The following PTPRJ variants were observed in gnomAD, a reference collection of about 807,000 sequenced individuals.
PTPRJ encodes the protein receptor-type tyrosine-protein phosphatase eta.
Under a neutral mutation model 141.3 loss-of-function variants are expected in PTPRJ, and 129 were observed. The ratio of observed to expected loss-of-function variants is 0.91; its 90% CI spans 0.79 to 1.06. The LOEUF (loss-of-function observed/expected upper bound fraction) is 1.06, where lower values mean the gene tolerates loss of function less well. PTPRJ is among the 50% of genes least tolerant of loss of function. The probability of loss-of-function intolerance (pLI) is 0.00; values close to 1 mark genes in which losing one functional copy is unlikely to be tolerated. For missense variants in PTPRJ, 1,601 were observed against 1,679.7 expected (o/e 0.95, Z 0.82); for synonymous variants, 610 against 640.5 (o/e 0.95, Z 0.72).
At chr11:48,111,325 T>A (rs1856434252) in intron 2 of PTPRJ, among the ~76,000 whole-genome samples, 1 of 123,422 alleles carries the variant, frequency 8.1e-6, no homozygotes, top group Non-Finnish European at 1.6e-5. Context: ...TAGTAGTTGG[T>A]AGTTTTTTAA....
At chr11:48,104,077 G>T (rs946006639) in intron 1 of PTPRJ, among the ~76,000 whole-genome samples, 3 of 152,224 alleles carry the variant, frequency 2.0e-5, no homozygotes, top group African/African-American at 7.2e-5. Context: ...TGCAGATGAG[G>T]CAGGGAAGCC....
Position 48,053,341 on chromosome 11 carries a change from A to AT in PTPRJ, c.97-56716dup, listed in dbSNP as rs1470524581. Among the ~76,000 whole-genome samples, 242 of 95,214 alleles carry AT rather than the reference A, an allele frequency of 2.5e-3. 1 individual carries two copies. The highest frequency in any genetic ancestry group is 0.01 in the African/African-American group (229 of 22,410). 62.5% of individuals were successfully genotyped at this position (95,214 alleles called of 152,430 possible). Reference sequence around the variant, plus strand: ...TATATATTATATATTAATATATTATATATTATATATAAATATATAAAAATA... The same window carrying AT: ...TATATATTATATATTAATATATTATATTATTATATATAAATATATAAAAATA... On this transcript the variant is annotated intron_variant, in intron 1 of 24. Coordinates refer to ENST00000418331, the MANE Select transcript of PTPRJ (RefSeq NM_002843.4).
At chr11:48,156,998 T>A (rs1005885031) in intron 21 of PTPRJ, among the ~76,000 whole-genome samples, 1 of 140,216 alleles carries the variant, frequency 7.1e-6, no homozygotes, top group African/African-American at 2.9e-5. Flanking sequence ...AAAGATAAGA[T>A]TTTTTTTTTT....
intron 4 of PTPRJ, among the ~76,000 whole-genome samples, chr11:48,122,587 A>C (rs1050423872): frequency 2.0e-5 from 3 of 152,192 alleles, no homozygotes; most frequent in African/African-American, 7.2e-5. Context: ...ACTGAGTATC[A>C]AGTGGTGGGG....
At chr11:48,080,431 CAA>C (rs565105162) in intron 1 of PTPRJ, among the ~76,000 whole-genome samples, 135 of 152,248 alleles carry the variant, frequency 8.9e-4, no homozygotes, top group Non-Finnish European at 1.8e-3. Context: ...TCGGGTAACT[CAA>C]GAGGGAAATT....
At chr11:48,022,195 G>A (rs1222853912) in intron 1 of PTPRJ, among the ~76,000 whole-genome samples, 1 of 121,528 alleles carries the variant, frequency 8.2e-6, no homozygotes, top group African/African-American at 5.9e-5. Flanking sequence ...CGGGCGCGGT[G>A]GCTCATGCCT....
At chr11:48,006,974 G>A (rs1463162378) in intron 1 of PTPRJ, among the ~76,000 whole-genome samples, 1 of 152,126 alleles carries the variant, frequency 6.6e-6, no homozygotes, top group African/African-American at 2.4e-5. Context: ...ATAAAGGTTA[G>A]ATGATTTTTC....
intron 4 of PTPRJ, among the ~76,000 whole-genome samples, chr11:48,122,713 C>T (rs759702074): frequency 3.3e-5 from 5 of 152,178 alleles, no homozygotes; most frequent in East Asian, 1.9e-4. Flanking sequence ...AACAAAAAGA[C>T]GCATGACTGA....
At chr11:47,982,531 A>G (rs1221936959) in intron 1 of PTPRJ, among the ~76,000 whole-genome samples, 1 of 152,198 alleles carries the variant, frequency 6.6e-6, no homozygotes, top group African/African-American at 2.4e-5. Flanking sequence ...GTCTGAAGTT[A>G]AAAAAGCCTT....
intron 3 of PTPRJ, among the ~76,000 whole-genome samples, chr11:48,114,454 AAAAAG>A (rs1856515436): frequency 6.6e-6 from 1 of 150,758 alleles, no homozygotes. Flanking sequence ...AAAAAAAAAA[AAAAAG>A]AAAAATTCCT....
At chr11:47,996,937 C>G (rs60637944) in intron 1 of PTPRJ, among the ~76,000 whole-genome samples, 1 of 152,192 alleles carries the variant, frequency 6.6e-6, no homozygotes, top group Admixed American at 6.5e-5. Flanking sequence ...ACCAGCCTTT[C>G]GATGTCTTTT....
intron 1 of PTPRJ, among the ~76,000 whole-genome samples, chr11:48,035,538 C>CTTTTTTTTTTTTTTTTT (rs66504227): frequency 1.2e-3 from 72 of 61,750 alleles, no homozygotes; most frequent in South Asian, 1.7e-3. Context: ...CTTTCTTCTT[C>CTTTTTTTTTTTTTTTTT]TTTTTTTTTT....
intron 1 of PTPRJ, among the ~76,000 whole-genome samples, chr11:48,020,867 C>T (rs1855099032): frequency 6.6e-6 from 1 of 152,174 alleles, no homozygotes; most frequent in Admixed American, 6.5e-5. Flanking sequence ...GGACAGTCCA[C>T]CTCAGAGTAT....
intron 1 of PTPRJ, among the ~76,000 whole-genome samples, chr11:48,052,544 C>A (rs146983751): frequency 6.6e-6 from 1 of 152,258 alleles, no homozygotes; most frequent in African/African-American, 2.4e-5. Flanking sequence ...CTTTTGCTCT[C>A]TGGGTGGTTG....
At chr11:48,131,806 C>G (rs1856990124) in intron 8 of PTPRJ, 1 of 353,164 alleles carries the variant, frequency 2.8e-6, no homozygotes, top group East Asian at 4.3e-5. Flanking sequence ...CCAGGGCTCT[C>G]TAGGGATCCC....
intron 1 of PTPRJ, among the ~76,000 whole-genome samples, chr11:47,993,652 G>C (rs962395464): frequency 3.3e-5 from 5 of 152,066 alleles, no homozygotes; most frequent in African/African-American, 1.2e-4. Context: ...GGCTCTAAGA[G>C]GGAGGTCTGA....
At chr11:48,150,457 G>A (rs1038140533) in intron 18 of PTPRJ, among the ~76,000 whole-genome samples, 4 of 152,180 alleles carry the variant, frequency 2.6e-5, no homozygotes, top group Non-Finnish European at 2.9e-5. Flanking sequence ...AACCCTTTGC[G>A]TCATACTGTC....
At chr11:48,166,604 C>G (rs571706363) in intron 24 of PTPRJ, among the ~76,000 whole-genome samples, 1 of 152,130 alleles carries the variant, frequency 6.6e-6, no homozygotes, top group Non-Finnish European at 1.5e-5. Context: ...CAGGAGCCAC[C>G]GCGCCTGGCC....
intron 1 of PTPRJ, among the ~76,000 whole-genome samples, chr11:48,056,935 CAA>C (rs1854768547): frequency 1.3e-5 from 2 of 152,220 alleles, no homozygotes; most frequent in Admixed American, 6.5e-5. Context: ...TTCTGGGCGA[CAA>C]GAGCGAAACT....
Sources: gnomAD v4.1 joint callset for allele counts (sites outside exome capture counted in the v4.1 genomes callset) on GRCh38, gnomAD v4.1.1 for gene constraint, MANE v1.5 for transcripts, NCBI Gene and HGNC (gene_info 2026-07-23, HGNC 2026-07-21) for gene names.